The following RASGEF1C variants were observed in gnomAD, a reference collection of about 807,000 sequenced individuals.
RASGEF1C encodes RasGEF domain family member 1C.
Under a neutral mutation model 58.1 loss-of-function variants are expected in RASGEF1C, and 27 were observed. The ratio of observed to expected loss-of-function variants is 0.46; its 90% CI spans 0.34 to 0.64. The LOEUF is 0.64. Among genes scored for constraint, RASGEF1C ranks in the 30% least tolerant of loss-of-function variants. RASGEF1C has a pLI of 0.01. For missense variants in RASGEF1C, 502 were observed against 605.1 expected (o/e 0.83, Z 1.79); for synonymous variants, 243 against 246.3 (o/e 0.99, Z 0.13).
chr5:180,106,378 T>C (rs1417413721), intron 12 of RASGEF1C, among the ~76,000 whole-genome samples: 1 of 152,244 alleles, frequency 6.6e-6, no homozygotes, highest in Non-Finnish European at 1.5e-5. Flanking sequence ...GGAACTTAGA[T>C]TATTGATTTG....
At chr5:180,109,050 C>G (rs1212876970) in intron 12 of RASGEF1C, among the ~76,000 whole-genome samples, 1 of 152,216 alleles carries the variant, frequency 6.6e-6, no homozygotes, top group African/African-American at 2.4e-5. Flanking sequence ...CCCCCCTTTT[C>G]TCCCTCTCTG....
At chr5:180,173,145 C>T (rs770116595) in intron 1 of RASGEF1C, among the ~76,000 whole-genome samples, 32 of 152,336 alleles carry the variant, frequency 2.1e-4, no homozygotes, top group South Asian at 8.3e-4. Context: ...TTTTAGACTG[C>T]GAATTTACTG....
chr5:180,204,217 C>T (rs1756450961), intron 1 of RASGEF1C, among the ~76,000 whole-genome samples: 1 of 152,138 alleles, frequency 6.6e-6, no homozygotes, highest in Non-Finnish European at 1.5e-5. Context: ...CTTTTCTGGC[C>T]ATTATAAGCA....
chr5:180,151,237 A>G (rs1171315927), intron 1 of RASGEF1C, among the ~76,000 whole-genome samples: 1 of 152,212 alleles, frequency 6.6e-6, no homozygotes, highest in African/African-American at 2.4e-5. Flanking sequence ...ATATGGAACC[A>G]AAAAAGACCC....
intron 1 of RASGEF1C, among the ~76,000 whole-genome samples, chr5:180,140,843 G>A (rs1159984819): frequency 6.6e-6 from 1 of 152,234 alleles, no homozygotes; most frequent in Non-Finnish European, 1.5e-5. Flanking sequence ...ACCAGCATGT[G>A]CAGAGGCTCG....
intron 1 of RASGEF1C, among the ~76,000 whole-genome samples, chr5:180,159,174 C>CT (rs1314734517): frequency 1.3e-5 from 2 of 148,724 alleles, no homozygotes; most frequent in South Asian, 2.1e-4. Flanking sequence ...GAATCTCACT[C>CT]TGTTGCCCAG....
At chr5:180,119,923 C>A (rs928692733) in intron 7 of RASGEF1C, among the ~76,000 whole-genome samples, 1 of 152,186 alleles carries the variant, frequency 6.6e-6, no homozygotes. Context: ...TGTGGCCAGG[C>A]GCTCGGGACT....
At chr5:180,140,632 G>C (rs1766560487) in intron 1 of RASGEF1C, among the ~76,000 whole-genome samples, 1 of 152,204 alleles carries the variant, frequency 6.6e-6, no homozygotes, top group Non-Finnish European at 1.5e-5. Flanking sequence ...GGTGCAGACA[G>C]GCCAGGTGCC....
chr5:180,208,578 G>A (rs191905190), intron 1 of RASGEF1C, among the ~76,000 whole-genome samples: 2 of 152,140 alleles, frequency 1.3e-5, no homozygotes, highest in Non-Finnish European at 2.9e-5. Context: ...ATCCTCAAGG[G>A]TGACAGCACC....
chr5:180,136,638 G>A, intron 3 of RASGEF1C, 123 bp from the exon 4 acceptor site: 1 of 1,046,546 alleles, frequency 9.6e-7, no homozygotes, highest in Non-Finnish European at 1.4e-6. Context: ...CTCTGTGCCA[G>A]GGAGGAGGAG....
intron 4 of RASGEF1C, among the ~76,000 whole-genome samples, chr5:180,135,692 C>T (rs1766459311): frequency 1.3e-5 from 2 of 152,188 alleles, no homozygotes; most frequent in African/African-American, 4.8e-5. Flanking sequence ...GAGAGCAAAG[C>T]AGGTGTGGGC....
At position 180,158,919 on chromosome 5, in the gene RASGEF1C, T is replaced by C. The variant is rs1766892236; in HGVS notation, c.-6-20861A>G. On this transcript the variant is annotated intron_variant, in intron 1 of 13. Coordinates refer to ENST00000361132, the MANE Select transcript of RASGEF1C (RefSeq NM_175062.4). The surrounding 1 kb of genome is among the most constrained non-coding windows in gnomAD (Gnocchi z 4.0). Reference sequence around the variant, plus strand: ...TGGACTTGTCCTCCAATTTAAAAAATATTTTCTCTCCTACTTTCCATTACA... The same window carrying C: ...TGGACTTGTCCTCCAATTTAAAAAACATTTTCTCTCCTACTTTCCATTACA... Among the ~76,000 whole-genome samples, 1 of 152,158 alleles carries C rather than the reference T, an allele frequency of 6.6e-6. No individual in the cohort carries two copies. The highest frequency in any genetic ancestry group is 1.5e-5 in the Non-Finnish European group (1 of 68,024).
At chr5:180,118,345 C>T (rs904802723) in intron 10 of RASGEF1C, among the ~76,000 whole-genome samples, 6 of 146,920 alleles carry the variant, frequency 4.1e-5, no homozygotes, top group South Asian at 2.1e-4. Context: ...TGGCCTCACT[C>T]GTGTGGCCCC....
chr5:180,128,620 G>A lies in RASGEF1C; in HGVS notation c.439-10C>T. On this transcript the variant is annotated splice_polypyrimidine_tract_variant and intron_variant, in intron 4 of 13. Coordinates refer to ENST00000361132, the MANE Select transcript of RASGEF1C (RefSeq NM_175062.4). ...TCCTCTTCCGGTATGCCTGGTGGGT[G>A]GAAAGAAGGGCGCTCAGGACTGAAC... 2 of 1,612,330 alleles carry A rather than the reference G, an allele frequency of 1.2e-6. No individual in the cohort carries two copies. The highest frequency in any genetic ancestry group is 1.7e-6 in the Non-Finnish European group (2 of 1,179,676).
rs1377450122 is a variant in RASGEF1C, at chr5:180,197,631, T to C, written c.-7+11397A>G. On this transcript the variant is annotated intron_variant, in intron 1 of 13. Coordinates refer to ENST00000361132, the MANE Select transcript of RASGEF1C (RefSeq NM_175062.4). The surrounding 1 kb of genome is among the most constrained non-coding windows in gnomAD (Gnocchi z 4.7). Reference sequence around the variant, plus strand: ...GGCTGCATGGCCCTGGGATGTCCCCTTGTGTCCCTGAGCCTCAGTTTCCCC... The same window carrying C: ...GGCTGCATGGCCCTGGGATGTCCCCCTGTGTCCCTGAGCCTCAGTTTCCCC... Among the ~76,000 whole-genome samples the C allele has an allele frequency of 6.6e-6, 1 of 152,186 alleles. No individual in the cohort carries two copies. The highest frequency in any genetic ancestry group is 1.5e-5 in the Non-Finnish European group (1 of 68,030).
Position 180,208,011 on chromosome 5 carries a change from G to A in RASGEF1C, c.-7+1017C>T, listed in dbSNP as rs537759254. ...CACACCAGCTAGTGAGCACTTACGG[G>A]GGCAGGCAGCAGGCGGCACACAGTA... On this transcript the variant is annotated intron_variant, in intron 1 of 13. Coordinates refer to ENST00000361132, the MANE Select transcript of RASGEF1C (RefSeq NM_175062.4). Among the ~76,000 whole-genome samples, 52 of 152,314 alleles carry A rather than the reference G, an allele frequency of 3.4e-4. 1 individual carries two copies. The highest frequency in any genetic ancestry group is 6.0e-4 in the Non-Finnish European group (41 of 68,020).
At chr5:180,134,261 G>C (rs1766428157) in intron 4 of RASGEF1C, among the ~76,000 whole-genome samples, 1 of 152,000 alleles carries the variant, frequency 6.6e-6, no homozygotes, top group Admixed American at 6.5e-5. Flanking sequence ...AGCACTACTG[G>C]CCGGGGCCTA....
At chr5:180,130,582 A>C (rs1766350469) in intron 4 of RASGEF1C, among the ~76,000 whole-genome samples, 1 of 152,132 alleles carries the variant, frequency 6.6e-6, no homozygotes, top group Non-Finnish European at 1.5e-5. Flanking sequence ...CCCATCAGTC[A>C]ATTCGTTGGG....
At chr5:180,189,648 C>A (rs1049563671) in intron 1 of RASGEF1C, among the ~76,000 whole-genome samples, 3 of 152,118 alleles carry the variant, frequency 2.0e-5, no homozygotes, top group African/African-American at 7.2e-5. Flanking sequence ...TGGCTCACGC[C>A]TGGTGGCTCT....
Sources: allele counts gnomAD v4.1 joint callset (sites outside exome capture counted in the v4.1 genomes callset), GRCh38; gene constraint gnomAD v4.1.1; non-coding constraint Gnocchi (gnomAD v3.1); transcripts MANE v1.5; gene names NCBI Gene and HGNC (gene_info 2026-07-23, HGNC 2026-07-21).